The following LDB3 variants were observed in gnomAD, a reference collection of about 807,000 sequenced individuals.
LDB3 encodes LIM domain binding 3.
In LDB3, 49 loss-of-function variants were observed where a neutral mutation model predicts 69.0. The ratio of observed to expected loss-of-function variants is 0.71; its 90% confidence interval spans 0.56 to 0.90. The LOEUF is 0.90. Among genes scored for constraint, LDB3 ranks in the 40% least tolerant of loss-of-function variants. The pLI is 0.00. For synonymous variants in LDB3, 387 were observed against 396.2 expected, an observed-to-expected ratio of 0.98 and a Z score of 0.28; for missense variants, 928 against 974.1, an observed-to-expected ratio of 0.95 and a Z score of 0.63.
intron 7 of LDB3, among the ~76,000 whole-genome samples, chr10:86,697,787 C>T (rs1175973032): frequency 7.3e-5 from 11 of 151,392 alleles, no homozygotes; most frequent in African/African-American, 1.5e-4. Context: ...CTCCTGACCT[C>T]GTGATCTGCC....
intron 9 of LDB3, 51 bp downstream of exon 9, chr10:86,710,101 A>G (rs749732095): frequency 6.3e-7 from 1 of 1,598,610 alleles, no homozygotes. Context: ...GGCGGGCTCC[A>G]GGAGCCACAA....
chr10:86,671,711 C>A (rs992867116), intron 2 of LDB3, among the ~76,000 whole-genome samples: 8 of 152,212 alleles, frequency 5.3e-5, no homozygotes, highest in African/African-American at 1.9e-4. Context: ...GCCTCTCATG[C>A]CTCCGCCTTG....
chr10:86,682,854 C>G (rs1248510966), intron 5 of LDB3, among the ~76,000 whole-genome samples: 1 of 152,212 alleles, frequency 6.6e-6, no homozygotes, highest in East Asian at 1.9e-4. Context: ...TCAGTCTGGC[C>G]CAAGCCCATG....
intron 5 of LDB3, among the ~76,000 whole-genome samples, chr10:86,690,749 A>G (rs1234080770): frequency 1.3e-5 from 2 of 152,242 alleles, no homozygotes; most frequent in Non-Finnish European, 2.9e-5. Context: ...CTTTCCAGGC[A>G]TAGGTCCAGG....
In LDB3 at chr10:86,681,621, G is replaced by A. The variant is rs1475637979; in HGVS notation, c.507G>A (p.Arg169=). The A allele has an allele frequency of 1.9e-6, 3 of 1,612,998 alleles. No homozygotes were observed. The highest frequency in any genetic ancestry group is 2.7e-5 in the African/African-American group (2 of 74,948). Residue 169 remains arginine (R), a synonymous_variant, in exon 5 of 14, where the codon AGG becomes AGA. Transcript: ENST00000361373. The part of the protein sequence containing the change: ...SDPGPPRASL[R]AKTSPEGARD... ...CTGGCCCTCCGCGGGCCAGCCTGAG[G>A]GCCAAGACCAGCCCAGAGGGGGCCC...
At chr10:86,727,689 CG>C (rs1206803336) in intron 13 of LDB3, among the ~76,000 whole-genome samples, 1 of 152,204 alleles carries the variant, frequency 6.6e-6, no homozygotes, top group African/African-American at 2.4e-5. Flanking sequence ...GAGCTACTAG[CG>C]GTTGCTAGCA....
chr10:86,733,069 T>C lies in LDB3; in HGVS notation c.*93T>C. ...AGGCTGATGTTTCTTCTGAGGGGAA[T>C]GGGGAGAGAGAGGAAGCGACTGAGC... On this transcript the variant is annotated 3_prime_UTR_variant, in exon 14 of 14. Coordinates refer to ENST00000361373, the MANE Select transcript of LDB3 (RefSeq NM_007078.3). The C allele has an allele frequency of 1.1e-6, 1 of 887,552 alleles. No individual in the cohort carries two copies. Among genetic ancestry groups the C allele is most frequent in the Admixed American group, 2.0e-5 (1 of 50,604 alleles). The allele number at this position is 887,552 out of a possible 1,614,324, so 55.0% of individuals were successfully genotyped here. A position where few individuals can be genotyped will look rare whatever the true frequency, so the allele number is the denominator to read the frequency against.
rs1847569119 is a variant in LDB3, at chr10:86,734,669, G to T, written c.*1693G>T. 6.6e-6 allele frequency: 1 copy of T among 152,220 alleles called. No homozygotes were observed. The highest frequency in any genetic ancestry group is 1.5e-5 in the Non-Finnish European group (1 of 68,062). 9.4% of individuals were successfully genotyped at this position (152,220 alleles called of 1,614,324 possible). On this transcript the variant is annotated 3_prime_UTR_variant, in exon 14 of 14. Transcript: ENST00000361373. ...GAAGCAGCTAGCTATGTCCCTAGCT[G>T]CAGGAAGCCCCTATTTTTTCCAAGC...
rs59411676 is a variant in LDB3, at chr10:86,704,577, ATTTTTTT to A, written c.897-1940_897-1934del. Reference sequence around the variant, plus strand: ...GGCATGCGCCACCACGCCCAGCTAAATTTTTTTTTTTTTTTTTTTTGAGACGGAGTCT... The same window carrying A: ...GGCATGCGCCACCACGCCCAGCTAAATTTTTTTTTTTTTGAGACGGAGTCT... On this transcript the variant is annotated intron_variant, in intron 7 of 13. Transcript: ENST00000361373. 7.7e-3 allele frequency among the ~76,000 whole-genome samples: 858 copies of A among 111,552 alleles called. 15 individuals are homozygous for A. Among genetic ancestry groups the A allele is most frequent in the African/African-American group, 0.03 (825 of 27,688 alleles). 73.2% of individuals were successfully genotyped at this position (111,552 alleles called of 152,430 possible).
At chr10:86,667,113 A>G (rs1337680173), upstream of LDB3, among the ~76,000 whole-genome samples, 1 of 152,112 alleles carries the variant, frequency 6.6e-6, no homozygotes, top group African/African-American at 2.4e-5. Flanking sequence ...TTAAGCAGGG[A>G]AAAGGACACA....
chr10:86,705,916 G>C (rs1846421328), intron 7 of LDB3, among the ~76,000 whole-genome samples: 1 of 152,124 alleles, frequency 6.6e-6, no homozygotes, highest in African/African-American at 2.4e-5. Context: ...AGGGGCACAG[G>C]GGCTTCTATT....
In LDB3 at chr10:86,681,546, T is replaced by C. The variant is rs1554850287; in HGVS notation, c.432T>C (p.Pro144=). The C allele has an allele frequency of 4.3e-6, 7 of 1,612,892 alleles. No homozygotes were observed. The South Asian group carries it at 7.7e-5, about 18-fold the overall frequency. The change falls in exon 5 of 14, where the codon CCT becomes CCC. Residue 144 remains proline (P), a synonymous_variant. Coordinates refer to ENST00000361373, the MANE Select transcript of LDB3 (RefSeq NM_007078.3). ...CGGAGCTCAGGCCCACCTTTAGCCC[T>C]GCCTTCTCCCGGCCCTCCGCCTTCT... The part of the protein sequence containing the change: ...GTPELRPTFS[P]AFSRPSAFSS...
At chr10:86,710,140 C>A in intron 9 of LDB3, 90 bp downstream of exon 9, 2 of 1,562,968 alleles carry the variant, frequency 1.3e-6, no homozygotes, top group Non-Finnish European at 8.6e-7. Context: ...GGGGGCACAT[C>A]CCCAGAAGAA....
chr10:86,724,519 G>A (rs1847189939), intron 12 of LDB3, among the ~76,000 whole-genome samples: 1 of 151,260 alleles, frequency 6.6e-6, no homozygotes, highest in African/African-American at 2.4e-5. Context: ...CAGGAGAATT[G>A]CTTGAACCCA....
intron 12 of LDB3, among the ~76,000 whole-genome samples, chr10:86,723,988 C>A (rs947715256): frequency 9.9e-5 from 15 of 152,208 alleles, no homozygotes; most frequent in African/African-American, 3.6e-4. Flanking sequence ...TGTGATGGAA[C>A]CTCTCCAGTC....
At chr10:86,730,485 G>A (rs954485112) in intron 13 of LDB3, among the ~76,000 whole-genome samples, 1 of 152,210 alleles carries the variant, frequency 6.6e-6, no homozygotes, top group Non-Finnish European at 1.5e-5. Flanking sequence ...AACTCAGAGG[G>A]CTACATCTGT....
chr10:86,726,444 T>TA (rs1847261832), intron 13 of LDB3, 192 bp downstream of exon 13: 3 of 628,274 alleles, frequency 4.8e-6, no homozygotes, highest in Non-Finnish European at 8.6e-6. Context: ...TAATTATTTA[T>TA]AAACCAATGT....
At chr10:86,705,696 G>A (rs998255153) in intron 7 of LDB3, among the ~76,000 whole-genome samples, 11 of 152,292 alleles carry the variant, frequency 7.2e-5, no homozygotes, top group Admixed American at 6.5e-4. Flanking sequence ...CAGTGTGGTC[G>A]CCTTTCTCTT....
intron 10 of LDB3, 35 bp from the exon 11 acceptor site, chr10:86,717,929 G>A (rs374932367): frequency 5.6e-5 from 90 of 1,605,812 alleles, no homozygotes; most frequent in Middle Eastern, 1.8e-4. Flanking sequence ...AGTTCTGGGA[G>A]CTGCCTTACT....
Sources: allele counts gnomAD v4.1 joint callset (sites outside exome capture counted in the v4.1 genomes callset), GRCh38; gene constraint gnomAD v4.1.1; transcripts MANE v1.5; gene names NCBI Gene and HGNC (gene_info 2026-07-23, HGNC 2026-07-21).